Variants in SDK1 observed in about 807,000 individuals in gnomAD.
SDK1 encodes the protein sidekick cell adhesion molecule 1, also known as protein sidekick-1.
Under a neutral mutation model 245.5 loss-of-function variants are expected in SDK1, and 157 were observed. The observed-to-expected ratio is 0.64, with a 90% confidence interval of 0.56 to 0.73. The LOEUF (loss-of-function observed/expected upper bound fraction) is 0.73. SDK1 is among the 30% of genes least tolerant of loss of function. The pLI is 0.00. For synonymous variants in SDK1, 1,647 were observed against 1,278.5 expected (o/e 1.29, Z -6.15); for missense variants, 3,583 against 3,002.3 (o/e 1.19, Z -4.52).
At position 3,974,489 on chromosome 7, in the gene SDK1, C is replaced by T. The variant is rs1782748086; in HGVS notation, c.1938C>T (p.Ser646=). ...QTWSGDIGDY[S]CEIVSEGGND... is the part of the protein sequence containing the mutation. ...GGTCAGGCGACATCGGTGACTACAG[C>T]TGCGAGATTGTTTCTGAAGGAGGGA... Residue 646 remains serine (S), a synonymous_variant, in exon 13 of 45, where the codon AGC becomes AGT. Transcript: ENST00000404826. 6.2e-7 allele frequency: 1 copy of T among 1,614,018 alleles called. No individual in the cohort carries two copies. Among genetic ancestry groups the T allele is most frequent in the Admixed American group, 1.7e-5 (1 of 60,000 alleles).
chr7:4,197,809 G>A (rs2128224814), intron 35 of SDK1, among the ~76,000 whole-genome samples: 1 of 152,318 alleles, frequency 6.6e-6, no homozygotes, highest in South Asian at 2.1e-4. Flanking sequence ...GATGTGGGAG[G>A]ACTGTAAGAA....
intron 5 of SDK1, among the ~76,000 whole-genome samples, chr7:3,859,003 C>A (rs1293378062): frequency 6.6e-6 from 1 of 151,124 alleles, no homozygotes; most frequent in Non-Finnish European, 1.5e-5. Flanking sequence ...GCTGGGACCA[C>A]AGGCGCCCGC....
At chr7:4,005,477 A>G (rs1317240305) in intron 14 of SDK1, among the ~76,000 whole-genome samples, 1 of 149,142 alleles carries the variant, frequency 6.7e-6, no homozygotes, top group Non-Finnish European at 1.5e-5. Context: ...CTGCTGCATC[A>G]CCCAAGGAGG....
rs549346898 is a variant in SDK1, at chr7:3,797,989, A to C, written c.714-23461A>C. Among the ~76,000 whole-genome samples the C allele has an allele frequency of 1.3e-3, 195 of 152,260 alleles. 1 individual carries two copies. The highest frequency in any genetic ancestry group is 4.6e-3 in the African/African-American group (190 of 41,550). On this transcript the variant is annotated intron_variant, in intron 4 of 44. Coordinates refer to ENST00000404826, the MANE Select transcript of SDK1 (RefSeq NM_152744.4). ...GAGAGTTCTGGTTTTCCCTTCACAC[A>C]GATTTCTGTAATGTTAACATCTTAC...
At chr7:3,830,261 C>G (rs552837869) in intron 5 of SDK1, among the ~76,000 whole-genome samples, 1 of 152,086 alleles carries the variant, frequency 6.6e-6, no homozygotes, top group African/African-American at 2.4e-5. Context: ...TTTACGTCTC[C>G]CAATTATGCT....
At chr7:4,008,573 A>C (rs1327010171) in intron 14 of SDK1, among the ~76,000 whole-genome samples, 2 of 152,210 alleles carry the variant, frequency 1.3e-5, no homozygotes, top group Non-Finnish European at 2.9e-5. Flanking sequence ...GGCACGTAAA[A>C]GAAAGCGAAG....
intron 14 of SDK1, 130 bp from the exon 15 acceptor site, chr7:4,010,836 A>T: frequency 1.1e-6 from 1 of 929,134 alleles, no homozygotes; most frequent in Non-Finnish European, 1.6e-6. Context: ...TAAATGGGAT[A>T]AGCTTTCCTT....
At chr7:3,624,801 TTTGGG>T (rs1782063438) in intron 2 of SDK1, among the ~76,000 whole-genome samples, 1 of 151,974 alleles carries the variant, frequency 6.6e-6, no homozygotes, top group Non-Finnish European at 1.5e-5. Context: ...ATCCCAGCAC[TTTGGG>T]AGGCCGAGGG....
At chr7:3,657,419 G>T (rs1783219959) in intron 4 of SDK1, among the ~76,000 whole-genome samples, 1 of 152,198 alleles carries the variant, frequency 6.6e-6, no homozygotes, top group South Asian at 2.1e-4. Context: ...GTCCTGGAAA[G>T]AGGGTGAGGA....
chr7:4,243,918 C>T (rs769254068), intron 43 of SDK1, among the ~76,000 whole-genome samples: 47 of 152,330 alleles, frequency 3.1e-4, no homozygotes, highest in Admixed American at 5.9e-4. Flanking sequence ...CCCCCGTGCA[C>T]GTTTGTGCTT....
intron 4 of SDK1, among the ~76,000 whole-genome samples, chr7:3,645,159 C>T (rs1278247683): frequency 1.3e-5 from 2 of 152,142 alleles, no homozygotes; most frequent in Non-Finnish European, 2.9e-5. Flanking sequence ...ATTTTTTAAA[C>T]TTGCAAATAC....
intron 27 of SDK1, 190 bp downstream of exon 27, chr7:4,130,287 T>G: frequency 3.2e-6 from 2 of 625,404 alleles, no homozygotes; most frequent in Non-Finnish European, 5.5e-6. Context: ...CTGGAGTGGA[T>G]TTTTACAGCC....
chr7:3,654,758 A>C (rs1370339417), intron 4 of SDK1, among the ~76,000 whole-genome samples: 1 of 152,214 alleles, frequency 6.6e-6, no homozygotes, highest in African/African-American at 2.4e-5. Context: ...GCTTGGTTCC[A>C]TTCGAGTTGG....
At chr7:3,443,644 A>G (rs1232502005) in intron 1 of SDK1, among the ~76,000 whole-genome samples, 1 of 152,234 alleles carries the variant, frequency 6.6e-6, no homozygotes, top group Non-Finnish European at 1.5e-5. Flanking sequence ...ACTAGCCTCC[A>G]TGCTGGTTTG....
intron 31 of SDK1, among the ~76,000 whole-genome samples, chr7:4,161,261 G>A (rs1252089135): frequency 6.6e-6 from 1 of 152,142 alleles, no homozygotes; most frequent in Non-Finnish European, 1.5e-5. Context: ...CAGAACCATG[G>A]CAGACTCCCC....
At chr7:3,613,158 TG>T (rs1274819731) in intron 1 of SDK1, among the ~76,000 whole-genome samples, 1 of 152,184 alleles carries the variant, frequency 6.6e-6, no homozygotes, top group Non-Finnish European at 1.5e-5. Flanking sequence ...TAATTTTAGC[TG>T]TTGTGGAACA....
chr7:3,524,669 G>A (rs769067154), intron 1 of SDK1, among the ~76,000 whole-genome samples: 6 of 152,152 alleles, frequency 3.9e-5, no homozygotes, highest in Admixed American at 6.6e-5. Context: ...GAAACTGAGA[G>A]CAGCATGTTT....
intron 34 of SDK1, among the ~76,000 whole-genome samples, chr7:4,177,902 T>A (rs1390847845): frequency 6.6e-6 from 1 of 152,218 alleles, no homozygotes; most frequent in Non-Finnish European, 1.5e-5. Flanking sequence ...TCATCAGGCA[T>A]TAGATTCTCA....
chr7:3,754,786 A>G (rs1006370951), intron 4 of SDK1, among the ~76,000 whole-genome samples: 12 of 152,180 alleles, frequency 7.9e-5, no homozygotes, highest in African/African-American at 2.7e-4. Flanking sequence ...TACCCGATTC[A>G]CTAAACAGCT....
Sources: gnomAD v4.1 joint callset for allele counts (sites outside exome capture counted in the v4.1 genomes callset) on GRCh38, gnomAD v4.1.1 for gene constraint, MANE v1.5 for transcripts, NCBI Gene and HGNC (gene_info 2026-07-23, HGNC 2026-07-21) for gene names.